The following MRPS35 variants were observed in gnomAD, a reference collection of about 807,000 sequenced individuals.
MRPS35 encodes mitochondrial ribosomal protein S35, also known as small ribosomal subunit protein mS35.
MRPS35 carries 29 observed loss-of-function variants against 32.7 expected under a neutral mutation model. The ratio of observed to expected loss-of-function variants is 0.89; its 90% CI spans 0.66 to 1.21. The LOEUF is 1.21. Among genes scored for constraint, MRPS35 ranks in the 50% most tolerant of loss-of-function variants. MRPS35 has a pLI of 0.00. For synonymous variants in MRPS35, 148 were observed against 139.3 expected, an observed-to-expected ratio of 1.06 and a Z score of -0.44; for missense variants, 373 against 383.8, an observed-to-expected ratio of 0.97 and a Z score of 0.23.
rs747186460 is a variant in MRPS35, at chr12:27,740,564, CT to C, written c.702+2957del. On this transcript the variant is annotated intron_variant, in intron 7 of 7. Transcript: ENST00000081029. Reference sequence around the variant, plus strand: ...GATTATAGGCATGAGCCACTGTGCCCTGCCTTCCCTTGGCTTTTTAACCTTC... The same window carrying C: ...GATTATAGGCATGAGCCACTGTGCCCGCCTTCCCTTGGCTTTTTAACCTTC... Among the ~76,000 whole-genome samples the C allele has an allele frequency of 8.5e-5, 13 of 152,340 alleles. No individual in the cohort carries two copies. The East Asian group carries it at 1.7e-3, about 20-fold the overall frequency.
At chr12:27,719,685 A>T in intron 3 of MRPS35, 123 bp from the exon 4 acceptor site, 1 of 666,202 alleles carries the variant, frequency 1.5e-6, no homozygotes, top group Non-Finnish European at 2.5e-6. Flanking sequence ...AAAAAAAAAA[A>T]AACAAACAGA....
At chr12:27,740,461 G>T (rs2061960126) in intron 7 of MRPS35, among the ~76,000 whole-genome samples, 1 of 152,030 alleles carries the variant, frequency 6.6e-6, no homozygotes. Flanking sequence ...GTAGAGATGG[G>T]ATTTCACTGT....
intron 1 of MRPS35, among the ~76,000 whole-genome samples, chr12:27,714,570 G>A (rs1286179915): frequency 6.8e-6 from 1 of 147,092 alleles, no homozygotes; most frequent in African/African-American, 2.5e-5. Flanking sequence ...TGGGTGATAC[G>A]CCGAGACTCC....
chr12:27,744,865 T>C (rs2061976733), intron 7 of MRPS35, among the ~76,000 whole-genome samples: 1 of 114,366 alleles, frequency 8.7e-6, no homozygotes, highest in Non-Finnish European at 1.9e-5. Context: ...GTCTCTGACT[T>C]TGTTTTTTTT....
intron 7 of MRPS35, among the ~76,000 whole-genome samples, chr12:27,742,300 T>C (rs2140777692): frequency 6.6e-6 from 1 of 152,366 alleles, no homozygotes; most frequent in East Asian, 1.9e-4. Flanking sequence ...CAATGTTTGC[T>C]ATGTTTGTTC....
Position 27,719,872 on chromosome 12 carries a change from A to T in MRPS35, c.382+4A>T. On this transcript the variant is annotated splice_donor_region_variant and intron_variant, in intron 4 of 7. Transcript: ENST00000081029. Reference sequence around the variant, plus strand: ...AAGCACTGTGAAGCCCTTAAAGGTAAGTGGTTATTTTCTTATATGAATTTT... The same window carrying T: ...AAGCACTGTGAAGCCCTTAAAGGTATGTGGTTATTTTCTTATATGAATTTT... The T allele has an allele frequency of 6.3e-7, 1 of 1,595,626 alleles. No individual in the cohort carries two copies. The highest frequency in any genetic ancestry group is 8.6e-7 in the Non-Finnish European group (1 of 1,165,940).
chr12:27,735,661 C>A, intron 6 of MRPS35, 105 bp downstream of exon 6: 1 of 794,610 alleles, frequency 1.3e-6, no homozygotes, highest in Non-Finnish European at 2.1e-6. Flanking sequence ...TGGGGGAGGG[C>A]GTAGCCTTTT....
chr12:27,742,746 G>A (rs2061968719), intron 7 of MRPS35, among the ~76,000 whole-genome samples: 1 of 152,194 alleles, frequency 6.6e-6, no homozygotes, highest in South Asian at 2.1e-4. Context: ...GGGCAACATT[G>A]AGCTGATACA....
chr12:27,719,396 G>T (rs1430910569), intron 3 of MRPS35, among the ~76,000 whole-genome samples: 1 of 152,320 alleles, frequency 6.6e-6, no homozygotes, highest in East Asian at 1.9e-4. Flanking sequence ...TTTGGGCGCG[G>T]TGGCTCACGC....
chr12:27,716,766 T>C (rs1465254293), intron 3 of MRPS35, among the ~76,000 whole-genome samples: 1 of 152,118 alleles, frequency 6.6e-6, no homozygotes, highest in Non-Finnish European at 1.5e-5. Flanking sequence ...GGTGGGCAGA[T>C]CACTTGAGGT....
intron 7 of MRPS35, among the ~76,000 whole-genome samples, chr12:27,741,235 T>C (rs993165118): frequency 2.0e-5 from 3 of 152,144 alleles, no homozygotes; most frequent in Admixed American, 1.3e-4. Flanking sequence ...TGTCCTATTT[T>C]AGTATTACGT....
intron 6 of MRPS35, among the ~76,000 whole-genome samples, chr12:27,737,112 G>A (rs942429160): frequency 9.2e-5 from 14 of 152,274 alleles, no homozygotes; most frequent in African/African-American, 3.1e-4. Flanking sequence ...CTAGCCTCAA[G>A]CAACCCTCCC....
At chr12:27,713,274 G>A (rs2061835463) in intron 1 of MRPS35, among the ~76,000 whole-genome samples, 1 of 152,138 alleles carries the variant, frequency 6.6e-6, no homozygotes, top group African/African-American at 2.4e-5. Flanking sequence ...CAACTGATTA[G>A]AGTTTTCCAG....
At chr12:27,711,433 C>T (rs903949505) in intron 1 of MRPS35, among the ~76,000 whole-genome samples, 1 of 152,160 alleles carries the variant, frequency 6.6e-6, no homozygotes, top group Non-Finnish European at 1.5e-5. Flanking sequence ...TGTAGGGATG[C>T]TTGATAGCGT....
intron 5 of MRPS35, among the ~76,000 whole-genome samples, chr12:27,728,762 T>C (rs1478593623): frequency 6.6e-6 from 1 of 152,128 alleles, no homozygotes; most frequent in African/African-American, 2.4e-5. Flanking sequence ...GTATTTATCT[T>C]GTAACATTTC....
chr12:27,720,308 C>T (rs766219220), intron 4 of MRPS35, among the ~76,000 whole-genome samples: 4 of 151,246 alleles, frequency 2.6e-5, no homozygotes, highest in South Asian at 4.2e-4. Context: ...GCAGGAGAAT[C>T]GCTTGAACTC....
intron 4 of MRPS35, among the ~76,000 whole-genome samples, chr12:27,723,260 C>G (rs1044729643): frequency 3.3e-5 from 5 of 152,032 alleles, no homozygotes; most frequent in African/African-American, 9.7e-5. Flanking sequence ...TGGGAGCTAC[C>G]TCTTTTCCTT....
intron 7 of MRPS35, among the ~76,000 whole-genome samples, chr12:27,751,124 A>AAAAAAAAAAG (rs71679053): frequency 1.4e-5 from 2 of 147,378 alleles, no homozygotes; most frequent in East Asian, 4.2e-4. Context: ...AAAAAAAAAA[A>AAAAAAAAAAG]AAGAAAAGAA....
intron 4 of MRPS35, 82 bp downstream of exon 4, chr12:27,719,950 C>A: frequency 9.8e-7 from 1 of 1,020,112 alleles, no homozygotes; most frequent in Non-Finnish European, 1.5e-6. Flanking sequence ...TACTGTATAG[C>A]CTTATATTCA....
Sources: gnomAD v4.1 joint callset for allele counts (sites outside exome capture counted in the v4.1 genomes callset) on GRCh38, gnomAD v4.1.1 for gene constraint, MANE v1.5 for transcripts, NCBI Gene and HGNC (gene_info 2026-07-23, HGNC 2026-07-21) for gene names.